Variants in ITGA9 observed in about 807,000 individuals in gnomAD.
The protein encoded by ITGA9 is integrin subunit alpha 9.
ITGA9 carries 56 observed loss-of-function variants against 127.8 expected under a neutral mutation model. That is an observed-to-expected ratio of 0.44 (90% confidence interval 0.35 to 0.55). ITGA9 has a LOEUF of 0.55. Among genes scored for constraint, ITGA9 ranks in the 20% least tolerant of loss-of-function variants. The pLI, the probability that ITGA9 is intolerant of heterozygous loss-of-function variation, is 0.00. For missense variants in ITGA9, 1,196 were observed against 1,347.1 expected (o/e 0.89, Z 1.76); for synonymous variants, 508 against 514.5 (o/e 0.99, Z 0.17).
In ITGA9 at chr3:37,542,571, G is replaced by A. The variant is rs146082971; in HGVS notation, c.1675G>A (p.Val559Met). 266 of 1,614,168 alleles carry A rather than the reference G, an allele frequency of 1.6e-4. No individual in the cohort carries two copies. The African/African-American group carries it at 3.2e-3, about 19-fold the overall frequency. ...TYMEETCRHYVAHVKRRVQDV... is the reference protein window; with the variant it reads ...TYMEETCRHYMAHVKRRVQDV... ...CATGGAGGAGACGTGTCGTCACTAT[G>A]TGGCCCATGTGAAGGTCAGTCCTCT... The change falls in exon 15 of 28, where the codon GTG (valine) becomes ATG (methionine). Residue 559 changes from valine to methionine, a missense_variant. Physicochemically the swap from Val to Met is conservative, Grantham distance 21 (BLOSUM62 1). Transcript: ENST00000264741.
intron 13 of ITGA9, among the ~76,000 whole-genome samples, chr3:37,528,545 A>G (rs767403265): frequency 6.6e-6 from 1 of 152,158 alleles, no homozygotes; most frequent in Non-Finnish European, 1.5e-5. Context: ...TATCTTATTC[A>G]TTCAGCTAAG....
In ITGA9 at chr3:37,818,827, T is replaced by C. The variant is rs539819256; in HGVS notation, c.3010-64T>C. On this transcript the variant is annotated intron_variant, in intron 27 of 27. Transcript: ENST00000264741. ...ACACCTACCCAGGGACAGACTGCCT[T>C]GGGGTCACAATGGCTGATTCTTCAG... 52 of 1,249,606 alleles carry C rather than the reference T, an allele frequency of 4.2e-5. No individual in the cohort carries two copies. The South Asian group carries it at 6.3e-4, about 15-fold the overall frequency. The allele number at this position is 1,249,606 out of a possible 1,614,324, so 77.4% of individuals were successfully genotyped here. A position where few individuals can be genotyped will look rare whatever the true frequency, so the allele number is the denominator to read the frequency against.
intron 16 of ITGA9, among the ~76,000 whole-genome samples, chr3:37,649,780 G>A (rs1700413122): frequency 6.6e-6 from 1 of 152,208 alleles, no homozygotes; most frequent in Non-Finnish European, 1.5e-5. Flanking sequence ...TTCTCAAGTA[G>A]CCATGGAACA....
chr3:37,615,952 GTC>G (rs1214244638), intron 15 of ITGA9, among the ~76,000 whole-genome samples: 1 of 151,796 alleles, frequency 6.6e-6, no homozygotes, highest in Non-Finnish European at 1.5e-5. Flanking sequence ...GGTTTTTTGT[GTC>G]TCTGTTTCCT....
intron 27 of ITGA9, among the ~76,000 whole-genome samples, chr3:37,811,215 A>G (rs539747435): frequency 6.6e-6 from 1 of 152,366 alleles, no homozygotes; most frequent in East Asian, 1.9e-4. Flanking sequence ...CCATGCAGGA[A>G]GAAAACTTTG....
At chr3:37,704,385 T>C (rs1700980735) in intron 18 of ITGA9, among the ~76,000 whole-genome samples, 1 of 152,152 alleles carries the variant, frequency 6.6e-6, no homozygotes, top group Non-Finnish European at 1.5e-5. Flanking sequence ...TGGGTTTTCC[T>C]CTCTGGAATT....
At chr3:37,548,199 C>T (rs2125593560) in intron 15 of ITGA9, among the ~76,000 whole-genome samples, 1 of 152,242 alleles carries the variant, frequency 6.6e-6, no homozygotes, top group Non-Finnish European at 1.5e-5. Context: ...TGAAGCCAGA[C>T]ACAAAAGGCT....
At chr3:37,512,522 A>C (rs902872134) in intron 8 of ITGA9, among the ~76,000 whole-genome samples, 1 of 150,730 alleles carries the variant, frequency 6.6e-6, no homozygotes, top group Non-Finnish European at 1.5e-5. Flanking sequence ...TTCTTCTTTT[A>C]TTTTTTTTTA....
chr3:37,804,952 C>T lies in ITGA9; in HGVS notation c.3009+1010C>T, dbSNP rs533621281. On this transcript the variant is annotated intron_variant, in intron 27 of 27. Transcript: ENST00000264741. ...TTTTCTCTGCATATATAGATATAGA[C>T]CAGGCATTCTCATAACATCAACTTA... 3.3e-5 allele frequency among the ~76,000 whole-genome samples: 5 copies of T among 152,172 alleles called. No individual in the cohort carries two copies. In the South Asian group the frequency reaches 1.0e-3, roughly 32 times the overall value.
chr3:37,724,855 G>A (rs1701230059), intron 18 of ITGA9, among the ~76,000 whole-genome samples: 1 of 152,116 alleles, frequency 6.6e-6, no homozygotes, highest in African/African-American at 2.4e-5. Flanking sequence ...ACATCTTGTA[G>A]GTGTTTGTTA....
intron 15 of ITGA9, among the ~76,000 whole-genome samples, chr3:37,628,459 T>A (rs1700198389): frequency 6.6e-6 from 1 of 152,188 alleles, no homozygotes; most frequent in Non-Finnish European, 1.5e-5. Context: ...CCTGGGGAAC[T>A]GAGCCTTTCA....
chr3:37,749,987 A>G (rs1263691460), intron 22 of ITGA9, among the ~76,000 whole-genome samples: 2 of 151,994 alleles, frequency 1.3e-5, no homozygotes, highest in East Asian at 3.9e-4. Context: ...ATAAATATGA[A>G]TCTGCCAGCC....
chr3:37,784,921 G>T, intron 25 of ITGA9, 56 bp from the exon 26 acceptor site: 1 of 1,447,024 alleles, frequency 6.9e-7, no homozygotes, highest in Non-Finnish European at 9.7e-7. Flanking sequence ...TCCCTCTCAA[G>T]GCCCAGCCAT....
intron 23 of ITGA9, among the ~76,000 whole-genome samples, chr3:37,766,413 T>G (rs1177256021): frequency 6.6e-6 from 1 of 152,188 alleles, no homozygotes; most frequent in East Asian, 1.9e-4. Flanking sequence ...GACACTGAGG[T>G]TTCACTTTTC....
intron 4 of ITGA9, among the ~76,000 whole-genome samples, chr3:37,492,810 G>C (rs1698686521): frequency 6.6e-6 from 1 of 152,174 alleles, no homozygotes; most frequent in African/African-American, 2.4e-5. Flanking sequence ...CTTTTTGCCA[G>C]ACTTTTCACA....
intron 15 of ITGA9, among the ~76,000 whole-genome samples, chr3:37,554,508 G>A (rs954136326): frequency 6.6e-6 from 1 of 152,044 alleles, no homozygotes; most frequent in Non-Finnish European, 1.5e-5. Context: ...GTGGTGACCT[G>A]GCCTGCCTTC....
intron 15 of ITGA9, among the ~76,000 whole-genome samples, chr3:37,574,612 G>A (rs1699634992): frequency 6.6e-6 from 1 of 152,218 alleles, no homozygotes; most frequent in Non-Finnish European, 1.5e-5. Context: ...TAAACTTCCT[G>A]CATTGTCTCC....
Position 37,663,067 on chromosome 3 carries a change from G to A in ITGA9, c.1916+9277G>A, listed in dbSNP as rs1209786641. ...CTTAAAACAATCAACTCTTCAATTAGAAGTTCATGATCTTTAATGGGCTTG... is the reference window on the plus strand; with the variant it reads ...CTTAAAACAATCAACTCTTCAATTAAAAGTTCATGATCTTTAATGGGCTTG... On this transcript the variant is annotated intron_variant, in intron 17 of 27. Coordinates refer to ENST00000264741, the MANE Select transcript of ITGA9 (RefSeq NM_002207.3). Among the ~76,000 whole-genome samples the A allele has an allele frequency of 1.7e-4, 26 of 152,190 alleles. 1 individual carries two copies. Among genetic ancestry groups the A allele is most frequent in the Admixed American group, 1.7e-3 (26 of 15,284 alleles).
chr3:37,545,532 A>G (rs926947471), intron 15 of ITGA9, among the ~76,000 whole-genome samples: 1 of 152,146 alleles, frequency 6.6e-6, no homozygotes, highest in Non-Finnish European at 1.5e-5. Flanking sequence ...TCCGGAGGGT[A>G]TAGGATTTTG....
Sources: gnomAD v4.1 joint callset for allele counts (sites outside exome capture counted in the v4.1 genomes callset) on GRCh38, gnomAD v4.1.1 for gene constraint, MANE v1.5 for transcripts, NCBI Gene and HGNC (gene_info 2026-07-23, HGNC 2026-07-21) for gene names.